Variants in MYO1D observed in about 807,000 individuals in gnomAD.
The protein encoded by MYO1D is myosin ID.
In MYO1D, 83 loss-of-function variants were observed where a neutral mutation model predicts 122.0. That is an observed-to-expected ratio of 0.68 (90% CI 0.57 to 0.82). The LOEUF (loss-of-function observed/expected upper bound fraction) is 0.82, where lower values mean the gene tolerates loss of function less well. MYO1D is among the 40% of genes least tolerant of loss of function. MYO1D has a pLI of 0.00. For missense variants in MYO1D, 1,157 were observed against 1,269.5 expected, an observed-to-expected ratio of 0.91 and a Z score of 1.35; for synonymous variants, 464 against 446.9, an observed-to-expected ratio of 1.04 and a Z score of -0.48.
chr17:32,820,195 GA>G (rs1171875288), intron 1 of MYO1D, among the ~76,000 whole-genome samples: 1 of 152,170 alleles, frequency 6.6e-6, no homozygotes, highest in East Asian at 1.9e-4. Context: ...AGCCATTATG[GA>G]AAACAGTATG....
chr17:32,664,572 T>C (rs1392983807), intron 16 of MYO1D, among the ~76,000 whole-genome samples: 1 of 152,110 alleles, frequency 6.6e-6, no homozygotes, highest in Admixed American at 6.5e-5. Context: ...TGCTTTAGGA[T>C]ATGAGGCCAG....
chr17:32,814,952 G>A (rs1223020494), intron 1 of MYO1D, among the ~76,000 whole-genome samples: 4 of 152,240 alleles, frequency 2.6e-5, no homozygotes, highest in African/African-American at 9.6e-5. Flanking sequence ...AAAAGTGGCA[G>A]AGAATGGAGA....
At chr17:32,757,891 C>A (rs1349392011) in intron 10 of MYO1D, among the ~76,000 whole-genome samples, 1 of 152,104 alleles carries the variant, frequency 6.6e-6, no homozygotes, top group Non-Finnish European at 1.5e-5. Context: ...GGACATGGGG[C>A]TCTGGCCTTT....
At chr17:32,849,923 C>T (rs1016057027) in intron 1 of MYO1D, among the ~76,000 whole-genome samples, 5 of 152,138 alleles carry the variant, frequency 3.3e-5, no homozygotes, top group African/African-American at 1.2e-4. Flanking sequence ...GAAGGAAATA[C>T]ACTTCACTAT....
chr17:32,844,355 A>G (rs1433371027), intron 1 of MYO1D, among the ~76,000 whole-genome samples: 2 of 146,902 alleles, frequency 1.4e-5, no homozygotes, highest in African/African-American at 5.0e-5. Context: ...TTATATGTGT[A>G]TATATATTAT....
intron 1 of MYO1D, among the ~76,000 whole-genome samples, chr17:32,785,284 T>C (rs1034464420): frequency 2.6e-5 from 4 of 152,210 alleles, no homozygotes; most frequent in African/African-American, 9.7e-5. Flanking sequence ...CTTCTTGAAA[T>C]ATATGGAACC....
intron 16 of MYO1D, among the ~76,000 whole-genome samples, chr17:32,674,220 C>T (rs1451638574): frequency 6.6e-6 from 1 of 152,166 alleles, no homozygotes; most frequent in Non-Finnish European, 1.5e-5. Flanking sequence ...CCACCAAGTA[C>T]TGGGAAATCA....
At chr17:32,536,745 C>A (rs1235463350) in intron 21 of MYO1D, among the ~76,000 whole-genome samples, 1 of 152,168 alleles carries the variant, frequency 6.6e-6, no homozygotes, top group Non-Finnish European at 1.5e-5. Flanking sequence ...GGATCTGGGT[C>A]ACGGCTGTAG....
chr17:32,714,479 T>C (rs911586855), intron 15 of MYO1D, among the ~76,000 whole-genome samples: 1 of 152,188 alleles, frequency 6.6e-6, no homozygotes, highest in Non-Finnish European at 1.5e-5. Flanking sequence ...ATTTCATTGA[T>C]GGGCATTTGG....
At chr17:32,876,506 C>A (rs1249586228) in intron 1 of MYO1D, among the ~76,000 whole-genome samples, 2 of 152,178 alleles carry the variant, frequency 1.3e-5, no homozygotes, top group Non-Finnish European at 2.9e-5. Context: ...GCACCTAAAC[C>A]CCGGACAGCG....
intron 16 of MYO1D, among the ~76,000 whole-genome samples, chr17:32,687,495 C>T (rs1165199330): frequency 6.6e-6 from 1 of 152,086 alleles, no homozygotes; most frequent in Non-Finnish European, 1.5e-5. Flanking sequence ...CCGTGCCTGG[C>T]CTCGCCTGGC....
At chr17:32,623,941 T>A (rs901277617) in intron 20 of MYO1D, among the ~76,000 whole-genome samples, 7 of 152,142 alleles carry the variant, frequency 4.6e-5, no homozygotes, top group Admixed American at 4.6e-4. Flanking sequence ...TCCATCACTT[T>A]GGGGGTTAGG....
chr17:32,793,009 T>A (rs1194076833), intron 1 of MYO1D, among the ~76,000 whole-genome samples: 1 of 152,082 alleles, frequency 6.6e-6, no homozygotes. Context: ...CTAGTAAGTG[T>A]CCATGTGCCA....
chr17:32,868,725 T>G (rs1283058394), intron 1 of MYO1D, among the ~76,000 whole-genome samples: 1 of 152,140 alleles, frequency 6.6e-6, no homozygotes, highest in South Asian at 2.1e-4. Flanking sequence ...GGCGATCATT[T>G]TACATATAAG....
Position 32,605,065 on chromosome 17 carries a change from A to T in MYO1D, c.2864+22T>A, listed in dbSNP as rs574179603. 3.6e-4 allele frequency: 565 copies of T among 1,558,284 alleles called. 7 individuals carry two copies. In the South Asian group the frequency reaches 6.3e-3, roughly 17 times the overall value. ...ATTTCATAGATTTAAAACGTGTCTT[A>T]GTTACAAAAATCAAACTTTACCTCT... On this transcript the variant is annotated intron_variant, in intron 21 of 21. Transcript: ENST00000318217.
At chr17:32,635,894 G>T (rs572552451) in intron 20 of MYO1D, among the ~76,000 whole-genome samples, 1 of 152,036 alleles carries the variant, frequency 6.6e-6, no homozygotes. Flanking sequence ...AAAACTTTCC[G>T]ATTTGATTTT....
intron 16 of MYO1D, among the ~76,000 whole-genome samples, chr17:32,688,418 C>T (rs2089048822): frequency 6.6e-6 from 1 of 152,178 alleles, no homozygotes; most frequent in African/African-American, 2.4e-5. Context: ...GCACATTGTT[C>T]CTGCTTCCCT....
chr17:32,848,238 T>A (rs2090955192), intron 1 of MYO1D, among the ~76,000 whole-genome samples: 1 of 152,264 alleles, frequency 6.6e-6, no homozygotes, highest in East Asian at 1.9e-4. Context: ...AAGATTATTA[T>A]CTACCCCATG....
intron 1 of MYO1D, among the ~76,000 whole-genome samples, chr17:32,820,179 T>C (rs2090647967): frequency 6.6e-6 from 1 of 152,188 alleles, no homozygotes; most frequent in Non-Finnish European, 1.5e-5. Context: ...GAATGTAAAC[T>C]GGTACAGCCA....
Sources: allele counts gnomAD v4.1 joint callset (sites outside exome capture counted in the v4.1 genomes callset), GRCh38; gene constraint gnomAD v4.1.1; transcripts MANE v1.5; gene names NCBI Gene and HGNC (gene_info 2026-07-23, HGNC 2026-07-21).